Variants in FGF7 observed in about 807,000 individuals in gnomAD.
FGF7 encodes the protein fibroblast growth factor 7.
FGF7 carries 6 observed loss-of-function variants against 20.5 expected under a neutral mutation model. The observed-to-expected ratio is 0.29, with a 90% CI of 0.16 to 0.58. FGF7 has a LOEUF of 0.58. Among genes scored for constraint, FGF7 ranks in the 20% least tolerant of loss-of-function variants. The probability of loss-of-function intolerance (pLI) is 0.90; values close to 1 mark genes in which losing one functional copy is unlikely to be tolerated. For missense variants in FGF7, 144 were observed against 228.8 expected (o/e 0.63, Z 2.39); for synonymous variants, 64 against 74.7 (o/e 0.86, Z 0.74).
intron 2 of FGF7, among the ~76,000 whole-genome samples, chr15:49,430,698 A>C (rs911255478): frequency 6.6e-6 from 1 of 151,836 alleles, no homozygotes; most frequent in African/African-American, 2.4e-5. Flanking sequence ...AGTATGAGAC[A>C]GACAGGGCTG....
At chr15:49,448,884 C>T (rs2052471106) in intron 2 of FGF7, among the ~76,000 whole-genome samples, 1 of 151,812 alleles carries the variant, frequency 6.6e-6, no homozygotes, top group Non-Finnish European at 1.5e-5. Context: ...TATTATATTA[C>T]CCTAACAACT....
intron 2 of FGF7, among the ~76,000 whole-genome samples, chr15:49,439,036 G>A (rs911752973): frequency 6.6e-6 from 1 of 151,736 alleles, no homozygotes; most frequent in Non-Finnish European, 1.5e-5. Flanking sequence ...GAGTGGGTTG[G>A]TCTTAGGGAC....
chr15:49,424,119 A>G lies in FGF7; in HGVS notation c.-179A>G. On this transcript the variant is annotated 5_prime_UTR_variant, in exon 2 of 4. Transcript: ENST00000267843. ...TATCAACAGAGTTATTTAAGGAGGA[A>G]TCCTGTGTTGTTATCAGGAACTAAA... The G allele has an allele frequency of 1.9e-6, 1 of 514,704 alleles. No homozygotes were observed. Among genetic ancestry groups the G allele is most frequent in the South Asian group, 3.8e-5 (1 of 26,630 alleles). 31.9% of individuals were successfully genotyped at this position (514,704 alleles called of 1,614,324 possible).
intron 2 of FGF7, among the ~76,000 whole-genome samples, chr15:49,426,004 C>A (rs2050098759): frequency 6.6e-6 from 1 of 151,180 alleles, no homozygotes; most frequent in Non-Finnish European, 1.5e-5. Flanking sequence ...TGGATAATAT[C>A]ATGGATATAA....
chr15:49,463,965 T>C (rs745382164), intron 2 of FGF7, among the ~76,000 whole-genome samples: 2 of 152,218 alleles, frequency 1.3e-5, no homozygotes, highest in Non-Finnish European at 2.9e-5. Context: ...ACTATTTTTA[T>C]CCTAGGATAA....
intron 2 of FGF7, among the ~76,000 whole-genome samples, chr15:49,475,286 C>T (rs1195182833): frequency 2.0e-5 from 3 of 152,030 alleles, no homozygotes; most frequent in Admixed American, 1.3e-4. Flanking sequence ...GAAGAGAGAA[C>T]GCCAATAAAG....
chr15:49,428,539 T>C (rs926874858), intron 2 of FGF7, among the ~76,000 whole-genome samples: 2 of 151,938 alleles, frequency 1.3e-5, no homozygotes, highest in Admixed American at 6.6e-5. Context: ...ACAGAGGCTA[T>C]CATTCTGCAC....
intron 2 of FGF7, among the ~76,000 whole-genome samples, chr15:49,480,900 A>G (rs573771179): frequency 2.0e-5 from 3 of 152,304 alleles, no homozygotes; most frequent in Admixed American, 2.0e-4. Context: ...CAAAAAGGGA[A>G]GATGTCTGCC....
At chr15:49,462,629 T>C (rs2053907760) in intron 2 of FGF7, among the ~76,000 whole-genome samples, 1 of 152,204 alleles carries the variant, frequency 6.6e-6, no homozygotes, top group Non-Finnish European at 1.5e-5. Flanking sequence ...ACAGTAACTC[T>C]TACCAAGAAG....
At chr15:49,479,608 T>TG (rs1401058875) in intron 2 of FGF7, among the ~76,000 whole-genome samples, 1 of 127,034 alleles carries the variant, frequency 7.9e-6, no homozygotes, top group African/African-American at 3.4e-5. Context: ...TGTTTTTTTT[T>TG]TTTTTTTTTT....
intron 2 of FGF7, among the ~76,000 whole-genome samples, chr15:49,433,245 C>A (rs2050774257): frequency 6.6e-6 from 1 of 151,666 alleles, no homozygotes; most frequent in Non-Finnish European, 1.5e-5. Flanking sequence ...GTGTACAGCA[C>A]ATCTGCCTTG....
chr15:49,477,121 A>C (rs1474590269), intron 2 of FGF7, among the ~76,000 whole-genome samples: 2 of 151,688 alleles, frequency 1.3e-5, no homozygotes, highest in Admixed American at 6.6e-5. Flanking sequence ...ATTTCCCCCC[A>C]CAGTTCCTCC....
At chr15:49,442,497 C>A (rs777331588) in intron 2 of FGF7, among the ~76,000 whole-genome samples, 2 of 151,638 alleles carry the variant, frequency 1.3e-5, no homozygotes, top group Non-Finnish European at 3.0e-5. Flanking sequence ...GACTTTAGAA[C>A]CAGGAGTTGG....
At chr15:49,439,767 C>T (rs904728493) in intron 2 of FGF7, among the ~76,000 whole-genome samples, 3 of 151,634 alleles carry the variant, frequency 2.0e-5, no homozygotes, top group African/African-American at 7.3e-5. Flanking sequence ...TGTTAATACC[C>T]CACTTCGTAG....
At position 49,484,702 on chromosome 15, in the gene FGF7, A is replaced by G. The variant is rs2152027745; in HGVS notation, c.*198A>G. 1 of 394,208 alleles carries G rather than the reference A, an allele frequency of 2.5e-6. No individual in the cohort carries two copies. The highest frequency in any genetic ancestry group is 3.7e-5 in the East Asian group (1 of 26,680). The allele number at this position is 394,208 out of a possible 1,614,324, so 24.4% of individuals were successfully genotyped here. On this transcript the variant is annotated 3_prime_UTR_variant, in exon 4 of 4. Coordinates refer to ENST00000267843, the MANE Select transcript of FGF7 (RefSeq NM_002009.4). ...TGCATTAAAGAAAGATTTGAAAAGT[A>G]TACACAAAAATCAGATTTAGTAACT... is the stretch of plus-strand genomic sequence containing the variant.
At chr15:49,475,601 A>G (rs1369834880) in intron 2 of FGF7, among the ~76,000 whole-genome samples, 5 of 133,784 alleles carry the variant, frequency 3.7e-5, no homozygotes, top group African/African-American at 1.2e-4. Flanking sequence ...TTTATTATTT[A>G]TTAAATTTAT....
intron 2 of FGF7, among the ~76,000 whole-genome samples, chr15:49,447,625 T>G (rs1285519387): frequency 2.0e-5 from 3 of 151,760 alleles, no homozygotes; most frequent in Non-Finnish European, 3.0e-5. Context: ...TCTGGTAAAT[T>G]TATGCAAATT....
chr15:49,484,008 G>C (rs542187626), intron 3 of FGF7, among the ~76,000 whole-genome samples: 1 of 152,112 alleles, frequency 6.6e-6, no homozygotes, highest in East Asian at 1.9e-4. Context: ...TATGAGGCCT[G>C]TTACTTAGGG....
intron 2 of FGF7, among the ~76,000 whole-genome samples, chr15:49,453,081 T>A: frequency 6.6e-6 from 1 of 152,104 alleles, no homozygotes; most frequent in South Asian, 2.1e-4. Context: ...TTATAAATAA[T>A]CTTAGGTAAT....
Sources: allele counts gnomAD v4.1 joint callset (sites outside exome capture counted in the v4.1 genomes callset), GRCh38; gene constraint gnomAD v4.1.1; transcripts MANE v1.5; gene names NCBI Gene and HGNC (gene_info 2026-07-23, HGNC 2026-07-21).